KALRN: variants seen among roughly 807,000 people sequenced by gnomAD.
KALRN encodes the protein kalirin.
In KALRN, 70 loss-of-function variants were observed where a neutral mutation model predicts 353.7. The ratio of observed to expected loss-of-function variants is 0.20; its 90% CI spans 0.16 to 0.24. KALRN has a LOEUF of 0.24. Among genes scored for constraint, KALRN ranks in the 10% least tolerant of loss-of-function variants. KALRN has a pLI of 1.00. For missense variants in KALRN, 2,791 were observed against 3,756.7 expected, an observed-to-expected ratio of 0.74 and a Z score of 6.72; for synonymous variants, 1,391 against 1,434.8, an observed-to-expected ratio of 0.97 and a Z score of 0.69.
intron 57 of KALRN, among the ~76,000 whole-genome samples, chr3:124,704,056 C>G (rs1041231637): frequency 1.3e-5 from 2 of 152,136 alleles, no homozygotes; most frequent in East Asian, 3.8e-4. Context: ...AGGTGTGGAG[C>G]CAGGATTCAA....
At chr3:124,629,326 G>C (rs376000452) in intron 34 of KALRN, among the ~76,000 whole-genome samples, 1 of 151,958 alleles carries the variant, frequency 6.6e-6, no homozygotes, top group African/African-American at 2.4e-5. Context: ...TTCCTCCTTC[G>C]CAGGGCTGTG....
chr3:124,173,892 G>A (rs908777539), intron 1 of KALRN, among the ~76,000 whole-genome samples: 1 of 152,128 alleles, frequency 6.6e-6, no homozygotes, highest in African/African-American at 2.4e-5. Flanking sequence ...GGGATTACAG[G>A]CATGAGCCAC....
rs897288990 is a variant in KALRN, at chr3:124,389,510, C to T, written c.1962+4474C>T. ...TGAATTCTTTATTTATTGTAGGAGCCGAGAGGGTTAAAAATGTCTAACTGT... is the reference window on the plus strand; with the variant it reads ...TGAATTCTTTATTTATTGTAGGAGCTGAGAGGGTTAAAAATGTCTAACTGT... On this transcript the variant is annotated intron_variant, in intron 11 of 59. Coordinates refer to ENST00000682506, the MANE Select transcript of KALRN (RefSeq NM_001388419.1). 9.9e-5 allele frequency among the ~76,000 whole-genome samples: 15 copies of T among 152,172 alleles called. No individual in the cohort carries two copies. The South Asian group carries it at 1.9e-3, about 19-fold the overall frequency.
chr3:124,638,031 G>A (rs1169491239), intron 37 of KALRN, among the ~76,000 whole-genome samples: 1 of 152,146 alleles, frequency 6.6e-6, no homozygotes, highest in Non-Finnish European at 1.5e-5. Flanking sequence ...ACATTTAAGT[G>A]TATCACCACA....
chr3:124,440,579 C>A (rs2150579231), intron 18 of KALRN, among the ~76,000 whole-genome samples: 1 of 150,672 alleles, frequency 6.6e-6, no homozygotes, highest in African/African-American at 2.4e-5. Context: ...TTTTATATAA[C>A]CAGAAAATTA....
chr3:124,313,126 G>T (rs1286720495), intron 6 of KALRN, among the ~76,000 whole-genome samples: 1 of 152,146 alleles, frequency 6.6e-6, no homozygotes, highest in Non-Finnish European at 1.5e-5. Context: ...TTTCTTCAGG[G>T]ATGGACATGC....
intron 1 of KALRN, among the ~76,000 whole-genome samples, chr3:124,095,319 C>T (rs534197462): frequency 2.5e-4 from 38 of 152,302 alleles, no homozygotes; most frequent in Non-Finnish European, 4.9e-4. Flanking sequence ...CTCAGCTCTG[C>T]CACTGACCTT....
chr3:124,140,485 A>G (rs995112149), intron 1 of KALRN, among the ~76,000 whole-genome samples: 11 of 152,300 alleles, frequency 7.2e-5, no homozygotes, highest in African/African-American at 2.6e-4. Flanking sequence ...GGTGCCCCAG[A>G]TGGAACAAGT....
At chr3:124,441,358 A>G (rs564733861) in intron 18 of KALRN, among the ~76,000 whole-genome samples, 2 of 152,250 alleles carry the variant, frequency 1.3e-5, no homozygotes, top group African/African-American at 4.8e-5. Context: ...CTCATTTCTG[A>G]TTTTTATCTG....
At chr3:124,508,655 T>C (rs960643201) in intron 33 of KALRN, among the ~76,000 whole-genome samples, 1 of 152,228 alleles carries the variant, frequency 6.6e-6, no homozygotes, top group Non-Finnish European at 1.5e-5. Flanking sequence ...TGAATTTCTC[T>C]AGGGTATAAA....
intron 1 of KALRN, among the ~76,000 whole-genome samples, chr3:124,142,236 G>T (rs191165121): frequency 3.9e-5 from 6 of 152,314 alleles, no homozygotes; most frequent in Admixed American, 1.3e-4. Flanking sequence ...GTCCAGAGAT[G>T]TGGAGCGACT....
chr3:124,576,439 G>T (rs781409383), intron 34 of KALRN, among the ~76,000 whole-genome samples: 2 of 152,072 alleles, frequency 1.3e-5, no homozygotes, highest in Non-Finnish European at 2.9e-5. Flanking sequence ...CATGTAGAAC[G>T]GTAAAGGAAA....
intron 21 of KALRN, among the ~76,000 whole-genome samples, chr3:124,454,160 G>T (rs184567669): frequency 6.0e-4 from 91 of 152,312 alleles, no homozygotes; most frequent in African/African-American, 1.9e-3. Flanking sequence ...ACAAGATTCT[G>T]GTGGTGACAG....
At chr3:124,672,034 C>T (rs1222876554) in intron 48 of KALRN, 136 bp downstream of exon 48, 14 of 714,730 alleles carry the variant, frequency 2.0e-5, no homozygotes, top group East Asian at 1.3e-4. Flanking sequence ...CTGCAACCTC[C>T]GCCTCCCAGG....
chr3:124,625,795 A>G (rs1228852774), intron 34 of KALRN, among the ~76,000 whole-genome samples: 1 of 152,192 alleles, frequency 6.6e-6, no homozygotes, highest in Non-Finnish European at 1.5e-5. Context: ...AACAATTAAC[A>G]TGAGGCTGGG....
chr3:124,561,927 G>A lies in KALRN; in HGVS notation c.4936-916G>A, dbSNP rs538719720. On this transcript the variant is annotated intron_variant, in intron 33 of 59. Coordinates refer to ENST00000682506, the MANE Select transcript of KALRN (RefSeq NM_001388419.1). ...ATGGAAATATGAAGCCAGAAGAAAGGGGGGAAGTGGGGCCAAATCCCCAAG... is the reference window on the plus strand; with the variant it reads ...ATGGAAATATGAAGCCAGAAGAAAGAGGGGAAGTGGGGCCAAATCCCCAAG... Among the ~76,000 whole-genome samples, 27 of 152,320 alleles carry A rather than the reference G, an allele frequency of 1.8e-4. No individual in the cohort carries two copies. The South Asian group carries it at 5.4e-3, about 30-fold the overall frequency.
chr3:124,335,313 G>T (rs980729247), intron 9 of KALRN, among the ~76,000 whole-genome samples: 5 of 152,140 alleles, frequency 3.3e-5, no homozygotes, highest in Non-Finnish European at 5.9e-5. Context: ...CTGGGCTGTT[G>T]TTCAGTGTAT....
At chr3:124,157,197 G>A (rs1161653151) in intron 1 of KALRN, among the ~76,000 whole-genome samples, 2 of 152,230 alleles carry the variant, frequency 1.3e-5, no homozygotes, top group Non-Finnish European at 2.9e-5. Context: ...ACTAAGGACT[G>A]TGCTAGGCCA....
intron 1 of KALRN, among the ~76,000 whole-genome samples, chr3:124,127,893 A>G (rs2064865609): frequency 6.6e-6 from 1 of 152,126 alleles, no homozygotes; most frequent in Admixed American, 6.5e-5. Context: ...AGTGTGTTAT[A>G]CTTTTTGGTT....
Sources: allele counts gnomAD v4.1 joint callset (sites outside exome capture counted in the v4.1 genomes callset), GRCh38; gene constraint gnomAD v4.1.1; transcripts MANE v1.5; gene names NCBI Gene and HGNC (gene_info 2026-07-23, HGNC 2026-07-21).